The following DAB1 variants were observed in gnomAD, a reference collection of about 807,000 sequenced individuals.
The protein encoded by DAB1 is DAB adaptor protein 1, also known as disabled homolog 1.
DAB1 carries 15 observed loss-of-function variants against 64.6 expected under a neutral mutation model. The observed-to-expected ratio is 0.23, with a 90% CI of 0.16 to 0.36. The LOEUF is 0.36. Ranked by LOEUF, DAB1 falls within the 10% of genes least tolerant of loss-of-function variation. The pLI is 1.00. For missense variants in DAB1, 596 were observed against 706.7 expected (o/e 0.84, Z 1.78); for synonymous variants, 235 against 251.9 (o/e 0.93, Z 0.64).
intron 6 of DAB1, among the ~76,000 whole-genome samples, chr1:57,803,415 T>A (rs1651220600): frequency 6.6e-6 from 1 of 152,228 alleles, no homozygotes; most frequent in African/African-American, 2.4e-5. Context: ...GTTCCTTTCC[T>A]CTGCTGATGC....
chr1:58,383,162 A>T (rs2100548855), intron 3 of DAB1, among the ~76,000 whole-genome samples: 1 of 151,378 alleles, frequency 6.6e-6, no homozygotes, highest in East Asian at 1.9e-4. Context: ...CCCACATTAG[A>T]TCTGTTAGTG....
intron 2 of DAB1, among the ~76,000 whole-genome samples, chr1:57,264,052 C>T (rs1670397614): frequency 6.6e-6 from 1 of 152,160 alleles, no homozygotes; most frequent in Non-Finnish European, 1.5e-5. Context: ...GTATGAATAT[C>T]TTCCATATAT....
intron 1 of DAB1, among the ~76,000 whole-genome samples, chr1:57,397,900 TA>T: frequency 6.6e-6 from 1 of 152,364 alleles, no homozygotes; most frequent in South Asian, 2.1e-4. Flanking sequence ...TTAGCCCTTT[TA>T]AATTTTACCC....
chr1:57,192,918 T>C (rs1664271196), intron 2 of DAB1, among the ~76,000 whole-genome samples: 1 of 152,218 alleles, frequency 6.6e-6, no homozygotes, highest in Non-Finnish European at 1.5e-5. Flanking sequence ...CTTTTTTAAT[T>C]TTTTAAAATT....
chr1:57,639,229 T>C (rs1646096612), intron 7 of DAB1, among the ~76,000 whole-genome samples: 1 of 142,490 alleles, frequency 7.0e-6, no homozygotes, highest in Non-Finnish European at 1.5e-5. Context: ...CTTTATAAAG[T>C]TCTTCATAAA....
chr1:57,771,121 T>C (rs915638080), intron 6 of DAB1, among the ~76,000 whole-genome samples: 6 of 152,194 alleles, frequency 3.9e-5, no homozygotes, highest in Admixed American at 1.3e-4. Flanking sequence ...ACCTGGGAAG[T>C]ACCTGGCATA....
intron 5 of DAB1, among the ~76,000 whole-genome samples, chr1:58,021,334 T>A (rs1646812303): frequency 1.3e-5 from 2 of 152,194 alleles, no homozygotes; most frequent in Admixed American, 1.3e-4. Flanking sequence ...TTATTATAGA[T>A]TGACTCATTT....
intron 4 of DAB1, among the ~76,000 whole-genome samples, chr1:57,093,851 C>T (rs1320117629): frequency 6.6e-6 from 1 of 152,114 alleles, no homozygotes; most frequent in Non-Finnish European, 1.5e-5. Context: ...CGGTGGCTCA[C>T]ACCTATGATC....
chr1:57,875,588 A>C (rs2101962881), intron 1 of DAB1, among the ~76,000 whole-genome samples: 1 of 152,330 alleles, frequency 6.6e-6, no homozygotes, highest in East Asian at 1.9e-4. Flanking sequence ...CTAGCTCATT[A>C]GACTTTAGAT....
chr1:57,308,707 T>A (rs1222362452), intron 1 of DAB1, among the ~76,000 whole-genome samples: 1 of 152,174 alleles, frequency 6.6e-6, no homozygotes, highest in East Asian at 1.9e-4. Flanking sequence ...TAAAAAGTAC[T>A]TTTCCATCTG....
At chr1:57,438,338 T>C (rs1213613079) in intron 7 of DAB1, among the ~76,000 whole-genome samples, 1 of 152,140 alleles carries the variant, frequency 6.6e-6, no homozygotes, top group Non-Finnish European at 1.5e-5. Context: ...TCTCATTAAG[T>C]GTACAGTACA....
chr1:57,731,588 T>C (rs1399711646), intron 6 of DAB1, among the ~76,000 whole-genome samples: 1 of 152,102 alleles, frequency 6.6e-6, no homozygotes, highest in Non-Finnish European at 1.5e-5. Context: ...GTAGATCACC[T>C]GAGGTCAGGA....
downstream of DAB1, among the ~76,000 whole-genome samples, chr1:57,824,524 T>A (rs150790638): frequency 1.8e-3 from 269 of 152,248 alleles, 1 homozygote; most frequent in African/African-American, 6.2e-3. Flanking sequence ...GAGAGCTTCA[T>A]TACTGACCAG....
intron 3 of DAB1, among the ~76,000 whole-genome samples, chr1:58,480,466 C>T (rs1218218250): frequency 2.0e-5 from 3 of 152,096 alleles, no homozygotes; most frequent in Non-Finnish European, 4.4e-5. Flanking sequence ...GCATTTTCTC[C>T]AGTCATCCAC....
chr1:57,658,825 C>T (rs909180071), intron 6 of DAB1, among the ~76,000 whole-genome samples: 1 of 152,194 alleles, frequency 6.6e-6, no homozygotes, highest in Non-Finnish European at 1.5e-5. Context: ...CTCTGCCTTC[C>T]AAAGTGCTGG....
Position 57,709,364 on chromosome 1 carries a change from T to G in DAB1, n.552-59699A>C, listed in dbSNP as rs72912454. 4.3e-3 allele frequency among the ~76,000 whole-genome samples: 661 copies of G among 152,312 alleles called. 1 individual carries two copies. The highest frequency in any genetic ancestry group is 0.012 in the African/African-American group (480 of 41,566). On this transcript the variant is annotated intron_variant and non_coding_transcript_variant, in intron 6 of 20. Transcript: ENST00000485760. ...AAGATATTTTTCTTTTCCTTTTCCA[T>G]GCTTTCTTATTCATTGCTTAAAAAT...
intron 9 of DAB1, among the ~76,000 whole-genome samples, chr1:57,054,422 C>T (rs1570602524): frequency 6.7e-6 from 1 of 148,596 alleles, no homozygotes; most frequent in Non-Finnish European, 1.5e-5. Flanking sequence ...ATAATGAATG[C>T]AGTAATGGGA....
At position 57,773,344 on chromosome 1, in the gene DAB1, T is replaced by C. The variant is rs898273880; in HGVS notation, n.551+110655A>G. ...TTTATCTTCTTGTTATTGAGTTGTA[T>C]ACACACACACACACACACACACACA... is the stretch of plus-strand genomic sequence containing the variant. On this transcript the variant is annotated intron_variant and non_coding_transcript_variant, in intron 6 of 20. Transcript: ENST00000485760. Among the ~76,000 whole-genome samples, 73 of 147,676 alleles carry C rather than the reference T, an allele frequency of 4.9e-4. No homozygotes were observed. In the East Asian group the frequency reaches 8.2e-3, roughly 17 times the overall value.
intron 3 of DAB1, among the ~76,000 whole-genome samples, chr1:58,359,236 CTCT>C (rs1471475601): frequency 1.3e-5 from 2 of 152,160 alleles, no homozygotes; most frequent in African/African-American, 2.4e-5. Flanking sequence ...AATGTTGCCC[CTCT>C]TCTTCATATA....
Sources: allele counts gnomAD v4.1 joint callset (sites outside exome capture counted in the v4.1 genomes callset), GRCh38; gene constraint gnomAD v4.1.1; transcripts MANE v1.5; gene names NCBI Gene and HGNC (gene_info 2026-07-23, HGNC 2026-07-21).